The following LRCH3 variants were observed in gnomAD, a reference collection of about 807,000 sequenced individuals.
The protein encoded by LRCH3 is DISP complex protein LRCH3.
Under a neutral mutation model 104.5 loss-of-function variants are expected in LRCH3, and 68 were observed. The observed-to-expected ratio is 0.65, with a 90% CI of 0.54 to 0.80. LRCH3 has a LOEUF of 0.80. Ranked by LOEUF, LRCH3 falls within the 30% of genes least tolerant of loss-of-function variation. The pLI, the probability that LRCH3 is intolerant of heterozygous loss-of-function variation, is 0.00. For synonymous variants in LRCH3, 344 were observed against 361.3 expected (o/e 0.95, Z 0.54); for missense variants, 951 against 953.9 (o/e 1.00, Z 0.04).
chr3:197,834,800 GA>G lies in LRCH3; in HGVS notation c.1103-873del, dbSNP rs377473265. Among the ~76,000 whole-genome samples, 136 of 152,280 alleles carry G rather than the reference GA, an allele frequency of 8.9e-4. 2 individuals are homozygous for G. In the East Asian group the frequency reaches 9.1e-3, roughly 10 times the overall value. On this transcript the variant is annotated intron_variant, in intron 8 of 20. Transcript: ENST00000425562. Reference sequence around the variant, plus strand: ...ATTGCTACATTCTTTAGTGAACTAGGACTAAGGTTTTCTGGAGCCTATTTTT... The same window carrying G: ...ATTGCTACATTCTTTAGTGAACTAGGCTAAGGTTTTCTGGAGCCTATTTTT...
intron 9 of LRCH3, 50 bp downstream of exon 9, chr3:197,835,872 A>C: frequency 6.3e-7 from 1 of 1,585,158 alleles, no homozygotes; most frequent in Non-Finnish European, 8.6e-7. Flanking sequence ...TCATAAAAAT[A>C]ATTCATAATA....
At chr3:197,871,989 A>G (rs1712246650) in intron 19 of LRCH3, among the ~76,000 whole-genome samples, 1 of 152,210 alleles carries the variant, frequency 6.6e-6, no homozygotes, top group Non-Finnish European at 1.5e-5. Flanking sequence ...CGTGTGAAGG[A>G]CGTTTACCCT....
At chr3:197,822,166 C>T (rs1292260182) in intron 4 of LRCH3, among the ~76,000 whole-genome samples, 1 of 152,182 alleles carries the variant, frequency 6.6e-6, no homozygotes, top group Non-Finnish European at 1.5e-5. Context: ...CAAAACCTTG[C>T]GTGTCTTTCC....
chr3:197,867,288 A>G (rs941902991), intron 17 of LRCH3, among the ~76,000 whole-genome samples: 7 of 152,058 alleles, frequency 4.6e-5, no homozygotes, highest in Non-Finnish European at 1.0e-4. Context: ...GCATGGTGGC[A>G]GGCGCCTGTA....
rs111731932 is a variant in LRCH3 at position 197,861,013 on chromosome 3, C to T, written c.1716+2108C>T. Among the ~76,000 whole-genome samples the T allele has an allele frequency of 5.5e-3, 829 of 150,674 alleles. 8 individuals carry two copies. Among genetic ancestry groups the T allele is most frequent in the African/African-American group, 0.019 (780 of 40,858 alleles). ...TGAGACGGAGTTTTGCTCTTGTTGC[C>T]CAGGTTAGAGTGCAATGGCACAATC... On this transcript the variant is annotated intron_variant, in intron 15 of 20. Transcript: ENST00000425562.
chr3:197,870,412 C>A, intron 18 of LRCH3, 134 bp downstream of exon 18: 2 of 845,940 alleles, frequency 2.4e-6, no homozygotes, highest in Non-Finnish European at 3.5e-6. Context: ...GTCACCCAGG[C>A]TGGAGTTCAG....
intron 20 of LRCH3, chr3:197,882,470 G>C (rs771554936): frequency 3.1e-4 from 295 of 947,170 alleles, no homozygotes; most frequent in Non-Finnish European, 3.5e-4. Flanking sequence ...ATATTTTATT[G>C]TAACTGGTTT....
Position 197,821,454 on chromosome 3 carries a change from T to C in LRCH3, c.640+1024T>C, listed in dbSNP as rs145254936. 2.0e-5 allele frequency among the ~76,000 whole-genome samples: 3 copies of C among 152,346 alleles called. No individual in the cohort carries two copies. The East Asian group carries it at 5.8e-4, about 29-fold the overall frequency. Reference sequence around the variant, plus strand: ...CAGAATATATATTTCTTCCTATATGTTTCTGCTCATCACCCAGCAGTAAGA... The same window carrying C: ...CAGAATATATATTTCTTCCTATATGCTTCTGCTCATCACCCAGCAGTAAGA... On this transcript the variant is annotated intron_variant, in intron 4 of 20. Coordinates refer to ENST00000425562, the MANE Select transcript of LRCH3 (RefSeq NM_001365715.1).
intron 1 of LRCH3, among the ~76,000 whole-genome samples, chr3:197,804,897 TC>T (rs1732301406): frequency 2.6e-5 from 4 of 152,044 alleles, no homozygotes; most frequent in African/African-American, 4.8e-5. Context: ...TTTTTTTTTT[TC>T]TTTTTTATTT....
intron 1 of LRCH3, among the ~76,000 whole-genome samples, chr3:197,794,641 A>G (rs1730984743): frequency 6.6e-6 from 1 of 152,186 alleles, no homozygotes; most frequent in African/African-American, 2.4e-5. Flanking sequence ...TATTGCCCAT[A>G]TTTATAATTA....
At chr3:197,874,318 A>C (rs1019260825) in intron 19 of LRCH3, among the ~76,000 whole-genome samples, 16 of 152,124 alleles carry the variant, frequency 1.1e-4, no homozygotes, top group Admixed American at 4.6e-4. Context: ...ACAGTATTAG[A>C]TCCTCAGAGG....
intron 9 of LRCH3, 56 bp downstream of exon 9, chr3:197,835,878 T>C (rs1280316080): frequency 1.1e-5 from 18 of 1,575,902 alleles, no homozygotes; most frequent in Non-Finnish European, 1.6e-5. Context: ...AAATAATTCA[T>C]AATAGTATAA....
intron 6 of LRCH3, among the ~76,000 whole-genome samples, chr3:197,830,163 A>C (rs1735736461): frequency 1.3e-5 from 2 of 152,172 alleles, no homozygotes; most frequent in Non-Finnish European, 2.9e-5. Context: ...CATTAACATC[A>C]CTTCAGGATC....
chr3:197,865,933 T>C (rs1227968239), intron 16 of LRCH3, among the ~76,000 whole-genome samples, 179 bp from the exon 17 acceptor site: 1 of 152,194 alleles, frequency 6.6e-6, no homozygotes, highest in East Asian at 1.9e-4. Context: ...CAATGTAAAA[T>C]ACATACAAGC....
In LRCH3 at chr3:197,791,400, G is replaced by T. The variant is rs764639951; in HGVS notation, c.122G>T (p.Gly41Val). The T allele has an allele frequency of 1.1e-5, 18 of 1,593,342 alleles. No homozygotes were observed. The East Asian group carries it at 4.1e-4, about 36-fold the overall frequency. Residue 41 changes from glycine (G) to valine (V), a missense_variant, in exon 1 of 21, where the codon GGC becomes GTC. Physicochemically the swap from Gly to Val is moderately radical, Grantham distance 109 (BLOSUM62 -3). Coordinates refer to ENST00000425562, the MANE Select transcript of LRCH3 (RefSeq NM_001365715.1). ...AGCTCCGGGGCAGGCCCTGGTTTTGGCCCGGGCTCGTGGAGCCGCTCTCTC... is the reference window on the plus strand; with the variant it reads ...AGCTCCGGGGCAGGCCCTGGTTTTGTCCCGGGCTCGTGGAGCCGCTCTCTC... Reference protein sequence around the residue: ...GPSSGAGPGFGPGSWSRSLDR... With the variant: ...GPSSGAGPGFVPGSWSRSLDR...
chr3:197,843,283 A>AT (rs1214929537), intron 10 of LRCH3, among the ~76,000 whole-genome samples: 3 of 152,150 alleles, frequency 2.0e-5, no homozygotes, highest in African/African-American at 7.2e-5. Flanking sequence ...AGCTACTCAC[A>AT]TTAATTATGT....
intron 4 of LRCH3, among the ~76,000 whole-genome samples, chr3:197,821,695 A>G (rs1022568995): frequency 6.6e-5 from 10 of 152,184 alleles, no homozygotes; most frequent in Non-Finnish European, 5.9e-5. Flanking sequence ...TTGTTTTGAG[A>G]CAGGGTCTCA....
chr3:197,833,693 A>C (rs940645944), intron 8 of LRCH3, among the ~76,000 whole-genome samples: 1 of 152,198 alleles, frequency 6.6e-6, no homozygotes, highest in African/African-American at 2.4e-5. Flanking sequence ...ATATTAGACA[A>C]TGTAAAATAT....
intron 20 of LRCH3, among the ~76,000 whole-genome samples, chr3:197,879,111 A>G (rs1167496886): frequency 6.6e-6 from 1 of 152,158 alleles, no homozygotes; most frequent in African/African-American, 2.4e-5. Context: ...CTTCTATTCA[A>G]TATGCTACAT....
Sources: gnomAD v4.1 joint callset for allele counts (sites outside exome capture counted in the v4.1 genomes callset) on GRCh38, gnomAD v4.1.1 for gene constraint, MANE v1.5 for transcripts, NCBI Gene and HGNC (gene_info 2026-07-23, HGNC 2026-07-21) for gene names.